FLYWCH1: variants seen among roughly 807,000 people sequenced by gnomAD.
FLYWCH1 encodes the protein FLYWCH-type zinc finger 1, also known as FLYWCH-type zinc finger-containing protein 1.
A neutral mutation model predicts 66.4 loss-of-function variants in FLYWCH1; 75 were observed. The ratio of observed to expected loss-of-function variants is 1.13; its 90% CI spans 0.94 to 1.37. The LOEUF (loss-of-function observed/expected upper bound fraction) is 1.37. Ranked by LOEUF, FLYWCH1 falls within the 40% of genes most tolerant of loss-of-function variation. The pLI is 0.00. For synonymous variants in FLYWCH1, 595 were observed against 429.9 expected (o/e 1.38, Z -4.75); for missense variants, 1,334 against 1,001.8 (o/e 1.33, Z -4.48).
chr16:2,937,095 G>T, intron 6 of FLYWCH1, 26 bp from the exon 7 acceptor site: 1 of 1,581,948 alleles, frequency 6.3e-7, no homozygotes, highest in Non-Finnish European at 8.6e-7. Flanking sequence ...GGTGTCCGCT[G>T]CTCCTCCCCT....
intron 6 of FLYWCH1, 52 bp from the exon 7 acceptor site, chr16:2,937,069 C>A: frequency 7.9e-7 from 1 of 1,260,318 alleles, no homozygotes. Flanking sequence ...CCATGCTGAT[C>A]TGGGCTCTGA....
intron 4 of FLYWCH1, among the ~76,000 whole-genome samples, chr16:2,931,987 G>C (rs1178379072): frequency 6.6e-6 from 1 of 151,940 alleles, no homozygotes; most frequent in Non-Finnish European, 1.5e-5. Context: ...GCGTGGTAGC[G>C]GGCGCCTGTA....
At chr16:2,932,198 G>T (rs917420621) in intron 4 of FLYWCH1, among the ~76,000 whole-genome samples, 21 of 149,468 alleles carry the variant, frequency 1.4e-4, no homozygotes, top group Non-Finnish European at 1.8e-4. Context: ...GAATTGCTTG[G>T]AGGCGGAGGT....
At chr16:2,944,015 G>C (rs1213067619) in intron 9 of FLYWCH1, among the ~76,000 whole-genome samples, 1 of 152,156 alleles carries the variant, frequency 6.6e-6, no homozygotes, top group Admixed American at 6.6e-5. Flanking sequence ...AGTGTCACCT[G>C]AGCCTGGGAG....
chr16:2,938,578 C>T (rs1354216587), intron 8 of FLYWCH1, 122 bp downstream of exon 8: 5 of 686,768 alleles, frequency 7.3e-6, no homozygotes, highest in Non-Finnish European at 1.1e-5. Context: ...ACAAATTATT[C>T]ATATAAACAG....
In FLYWCH1 at chr16:2,925,578, G is replaced by GGT. The variant is rs1555483226; in HGVS notation, c.-73-4034_-73-4033insTG. 1.3e-4 allele frequency among the ~76,000 whole-genome samples: 18 copies of GGT among 134,346 alleles called. 2 individuals carry two copies. Among genetic ancestry groups the GGT allele is most frequent in the Non-Finnish European group, 2.6e-4 (16 of 61,986 alleles). The allele number at this position is 134,346 out of a possible 152,430, so 88.1% of individuals were successfully genotyped here. ...CGCGCGGGGTAGGGGGAGTTGCGGG[G>GGT]GGAGGGGGGTACGGGGCTTTCCGCC... On this transcript the variant is annotated intron_variant, in intron 2 of 9. Coordinates refer to ENST00000253928, the MANE Select transcript of FLYWCH1 (RefSeq NM_001308068.2).
In FLYWCH1 at chr16:2,930,642, G is replaced by C. The variant is rs892995774; in HGVS notation, c.558G>C (p.Gln186His). The C allele has an allele frequency of 8.4e-6, 13 of 1,547,956 alleles. No individual in the cohort carries two copies. The highest frequency in any genetic ancestry group is 1.1e-5 in the Non-Finnish European group (13 of 1,147,364). Residue 186 changes from glutamine (Q) to histidine (H), a missense_variant, in exon 4 of 10, where the codon CAG becomes CAC. By Grantham distance (24) the Gln-to-His change is conservative. Transcript: ENST00000253928. ...PDEQGLEARR[Q>H]REKLPSLALP... ...AGCAAGGCCTGGAGGCCCGGCGCCAGAGGGAGAAACTGCCCAGCCTGGCCC... is the reference window on the plus strand; with the variant it reads ...AGCAAGGCCTGGAGGCCCGGCGCCACAGGGAGAAACTGCCCAGCCTGGCCC...
intron 6 of FLYWCH1, 149 bp from the exon 7 acceptor site, chr16:2,936,972 G>A: frequency 1.2e-6 from 1 of 810,162 alleles, no homozygotes; most frequent in African/African-American, 2.0e-5. Context: ...GCAGAGTTGG[G>A]GGGATGGTGG....
intron 9 of FLYWCH1, among the ~76,000 whole-genome samples, chr16:2,941,034 G>A (rs546962934): frequency 6.6e-6 from 1 of 152,324 alleles, no homozygotes; most frequent in East Asian, 1.9e-4. Flanking sequence ...GGGAGGCAGA[G>A]GTTGCAGTGA....
chr16:2,927,604 G>T (rs2070615538), intron 2 of FLYWCH1, among the ~76,000 whole-genome samples: 1 of 152,190 alleles, frequency 6.6e-6, no homozygotes. Flanking sequence ...GGACAAGTTA[G>T]AACATTTGGG....
At chr16:2,948,370 C>T (rs564190009) in intron 9 of FLYWCH1, among the ~76,000 whole-genome samples, 1 of 151,966 alleles carries the variant, frequency 6.6e-6, no homozygotes, top group East Asian at 1.9e-4. Context: ...ACCATCCTGG[C>T]CAACATGGTG....
chr16:2,933,589 T>C lies in FLYWCH1; in HGVS notation c.1249+7T>C. On this transcript the variant is annotated splice_region_variant and intron_variant, in intron 5 of 9. Transcript: ENST00000253928. ...GACATGGACGCAGACCCGGGTGAGC[T>C]GCCTTCCTTTGGGGCTCACCGGCCC... 6.3e-7 allele frequency: 1 copy of C among 1,578,864 alleles called. No homozygotes were observed. The highest frequency in any genetic ancestry group is 8.6e-7 in the Non-Finnish European group (1 of 1,162,274).
rs747252552 is a variant in FLYWCH1 at position 2,949,126 on chromosome 16, ATGC to A, written c.*405_*407del. The stretch of plus-strand genomic sequence containing the variant: ...CTCTGCTCAGCACGGTGCAAAGTGA[ATGC>A]TGCTGTCTTGGAGCCTGGGCACGTT... On this transcript the variant is annotated 3_prime_UTR_variant, in exon 10 of 10. Coordinates refer to ENST00000253928, the MANE Select transcript of FLYWCH1 (RefSeq NM_001308068.2). 126 of 220,236 alleles carry A rather than the reference ATGC, an allele frequency of 5.7e-4. 1 individual carries two copies. Among genetic ancestry groups the A allele is most frequent in the African/African-American group, 9.7e-4 (42 of 43,234 alleles). 13.6% of individuals were successfully genotyped at this position (220,236 alleles called of 1,614,324 possible).
At chr16:2,941,511 T>C (rs1252410870) in intron 9 of FLYWCH1, among the ~76,000 whole-genome samples, 2 of 151,328 alleles carry the variant, frequency 1.3e-5, no homozygotes, top group African/African-American at 2.4e-5. Context: ...ACCTGGGAGA[T>C]TGAGGCTGCA....
intron 9 of FLYWCH1, among the ~76,000 whole-genome samples, chr16:2,940,992 A>C (rs1053329487): frequency 3.3e-5 from 5 of 152,190 alleles, no homozygotes; most frequent in Non-Finnish European, 7.3e-5. Context: ...TTAGTCAGGC[A>C]TGGTGGTACA....
intron 9 of FLYWCH1, among the ~76,000 whole-genome samples, chr16:2,948,033 C>G (rs968107997): frequency 2.0e-5 from 3 of 150,588 alleles, no homozygotes; most frequent in Admixed American, 6.6e-5. Context: ...AGAGTGACAC[C>G]ATATCTCAAA....
intron 2 of FLYWCH1, among the ~76,000 whole-genome samples, chr16:2,924,662 A>G (rs1473656609): frequency 6.6e-6 from 1 of 151,748 alleles, no homozygotes; most frequent in Non-Finnish European, 1.5e-5. Context: ...GGGTCACGCA[A>G]CCCCCCCAGG....
At position 2,914,925 on chromosome 16, in the gene FLYWCH1, AAAG is replaced by A. The variant is rs2070116853; in HGVS notation, c.-74+639_-74+641del. 1.3e-5 allele frequency among the ~76,000 whole-genome samples: 2 copies of A among 151,168 alleles called. 1 individual carries two copies. The highest frequency in any genetic ancestry group is 4.2e-4 in the South Asian group (2 of 4,808). ...CTCTGTCTCAAAAAAAAAAAAAAAA[AAAG>A]AAATTTGTACTGAATGAAGATTGAA... On this transcript the variant is annotated intron_variant, in intron 2 of 9. Coordinates refer to ENST00000253928, the MANE Select transcript of FLYWCH1 (RefSeq NM_001308068.2).
chr16:2,938,351 C>G lies in FLYWCH1; in HGVS notation c.1945C>G (p.Arg649Gly), dbSNP rs373875118. The G allele has an allele frequency of 6.9e-6, 11 of 1,600,948 alleles. No homozygotes were observed. Among genetic ancestry groups the G allele is most frequent in the Middle Eastern group, 1.7e-4 (1 of 6,010 alleles). Reference sequence around the variant, plus strand: ...CAGCCGCGCCATAACCCAGGGCCACCGCATCATGGTCATGCGCAGCCACTG... The same window carrying G: ...CAGCCGCGCCATAACCCAGGGCCACGGCATCATGGTCATGCGCAGCCACTG... Reference protein sequence around the residue: ...CRSRAITQGHRIMVMRSHCHQ... With the variant: ...CRSRAITQGHGIMVMRSHCHQ... Residue 649 changes from arginine to glycine, a missense_variant, in exon 8 of 10, where the codon CGC becomes GGC. By Grantham distance (125) the Arg-to-Gly change is moderately radical. Transcript: ENST00000253928.
Sources: allele counts gnomAD v4.1 joint callset (sites outside exome capture counted in the v4.1 genomes callset), GRCh38; gene constraint gnomAD v4.1.1; transcripts MANE v1.5; gene names NCBI Gene and HGNC (gene_info 2026-07-23, HGNC 2026-07-21).